The following ABCC6 variants were observed in gnomAD, a reference collection of about 807,000 sequenced individuals.
The protein encoded by ABCC6 is ATP binding cassette subfamily C member 6.
A neutral mutation model predicts 169.5 loss-of-function variants in ABCC6; 126 were observed. The observed-to-expected ratio is 0.74, with a 90% CI of 0.64 to 0.86. ABCC6 has a LOEUF of 0.86. Ranked by LOEUF, ABCC6 falls within the 40% of genes least tolerant of loss-of-function variation. The pLI is 0.00. For missense variants in ABCC6, 1,733 were observed against 1,927.2 expected (o/e 0.90, Z 1.89); for synonymous variants, 752 against 814.7 (o/e 0.92, Z 1.31).
chr16:16,169,244 C>T (rs1178529796), intron 22 of ABCC6, among the ~76,000 whole-genome samples: 1 of 152,164 alleles, frequency 6.6e-6, no homozygotes, highest in Non-Finnish European at 1.5e-5. Context: ...TTTCCTAGAA[C>T]TGCATGTGAA....
chr16:16,192,881 C>T lies in ABCC6; in HGVS notation c.1380G>A (p.Leu460=), dbSNP rs770889156. ...TGAAGAAATTCAGAGGGAGGAGGCT[C>T]AGGAAGACAGCGATGGCAGTGAGGG... ...PSALTAIAVF[L]SLLPLNFFIS... The change falls in exon 11 of 31, where the codon CTG becomes CTA. Residue 460 remains leucine, a synonymous_variant. Coordinates refer to ENST00000205557, the MANE Select transcript of ABCC6 (RefSeq NM_001171.6). The T allele has an allele frequency of 1.2e-6, 2 of 1,614,064 alleles. No homozygotes were observed. The highest frequency in any genetic ancestry group is 1.3e-5 in the African/African-American group (1 of 75,000).
rs1301510137 is a variant in ABCC6, at chr16:16,161,474, A to G, written c.3597T>C (p.Ala1199=). 1.9e-6 allele frequency: 3 copies of G among 1,613,986 alleles called. No individual in the cohort carries two copies. The South Asian group carries it at 3.3e-5, about 18-fold the overall frequency. ...CAGAGACAGAGAAGCCCACGAGGCCAGCACTGAGGTGGGCTTTGCTCAGCA... is the reference window on the plus strand; with the variant it reads ...CAGAGACAGAGAAGCCCACGAGGCCGGCACTGAGGTGGGCTTTGCTCAGCA... ...CAVLSKAHLS[A]GLVGFSVSAA... The change falls in exon 25 of 31, where the codon GCT becomes GCC. Residue 1199 remains alanine, a synonymous_variant. Transcript: ENST00000205557.
intron 26 of ABCC6, among the ~76,000 whole-genome samples, chr16:16,158,930 G>GTT (rs1170503418): frequency 6.6e-6 from 1 of 151,950 alleles, no homozygotes; most frequent in Admixed American, 6.6e-5. Flanking sequence ...CTATGTTGCT[G>GTT]TTTTGTTTCT....
rs767383616 is a variant in ABCC6 at position 16,165,950 on chromosome 16, G to C, written c.2996-17C>G. On this transcript the variant is annotated splice_polypyrimidine_tract_variant and intron_variant, in intron 22 of 30. Coordinates refer to ENST00000205557, the MANE Select transcript of ABCC6 (RefSeq NM_001171.6). ...GCCCAATGGCTGGGGAGGGAGAGGA[G>C]GTAAGAGCATGAGGGCTGGAGACCC... 4 of 1,611,610 alleles carry C rather than the reference G, an allele frequency of 2.5e-6. No homozygotes were observed. The highest frequency in any genetic ancestry group is 2.2e-5 in the East Asian group (1 of 44,832).
At chr16:16,160,628 C>CCAAAA (rs1555508425) in intron 25 of ABCC6, among the ~76,000 whole-genome samples, 1 of 76,382 alleles carries the variant, frequency 1.3e-5, no homozygotes, top group Non-Finnish European at 2.3e-5. Flanking sequence ...CTGTTTCTAC[C>CCAAAA]AAAAAAAAAA....
chr16:16,172,508 A>C (rs111678733), intron 21 of ABCC6, among the ~76,000 whole-genome samples: 1 of 127,610 alleles, frequency 7.8e-6, no homozygotes, highest in Non-Finnish European at 1.6e-5. Context: ...GGTGGGATGG[A>C]TAAATCAGTG....
In ABCC6 at chr16:16,162,975, T is replaced by C. The variant is rs563869835; in HGVS notation, c.3506+18A>G. The C allele has an allele frequency of 6.2e-7, 1 of 1,613,990 alleles. No homozygotes were observed. The highest frequency in any genetic ancestry group is 8.5e-7 in the Non-Finnish European group (1 of 1,179,962). On this transcript the variant is annotated intron_variant, in intron 24 of 30. Coordinates refer to ENST00000205557, the MANE Select transcript of ABCC6 (RefSeq NM_001171.6). ...TATGGATGAATTGCAAGGTCTTCTC[T>C]GCCCTGGCTCTTCCTACCTGTCAGC...
rs576187546 is a variant in ABCC6 at position 16,156,357 on chromosome 16, A to T, written c.3882+1306T>A. Among the ~76,000 whole-genome samples, 42 of 152,332 alleles carry T rather than the reference A, an allele frequency of 2.8e-4. No individual in the cohort carries two copies. The South Asian group carries it at 5.4e-3, about 20-fold the overall frequency. On this transcript the variant is annotated intron_variant, in intron 27 of 30. Transcript: ENST00000205557. Reference sequence around the variant, plus strand: ...GGATACTTGCATGGAAGCTTGAAGGATCAATAGGAGTTCAAGGAAGGGGAA... The same window carrying T: ...GGATACTTGCATGGAAGCTTGAAGGTTCAATAGGAGTTCAAGGAAGGGGAA...
chr16:16,160,180 C>T (rs1184517030), intron 25 of ABCC6, among the ~76,000 whole-genome samples: 2 of 152,176 alleles, frequency 1.3e-5, no homozygotes, highest in South Asian at 2.1e-4. Flanking sequence ...TCCTAAGTCA[C>T]CTCCTCAGAG....
intron 18 of ABCC6, among the ~76,000 whole-genome samples, chr16:16,178,006 AAG>A (rs909161695): frequency 4.1e-5 from 6 of 147,148 alleles, no homozygotes; most frequent in Middle Eastern, 3.7e-3. Context: ...GAAGGAAGGA[AAG>A]AGAGAGAGAG....
At chr16:16,195,240 G>A (rs577947923) in intron 10 of ABCC6, among the ~76,000 whole-genome samples, 2 of 151,346 alleles carry the variant, frequency 1.3e-5, no homozygotes, top group South Asian at 4.2e-4. Context: ...CCAAGAGGCA[G>A]GAAAAGTACA....
rs909059364 is a variant in ABCC6, at chr16:16,155,087, T to C, written c.3883-56A>G. 7.2e-6 allele frequency: 11 copies of C among 1,527,242 alleles called. No homozygotes were observed. The East Asian group carries it at 7.4e-5, about 10-fold the overall frequency. 94.6% of individuals were successfully genotyped at this position (1,527,242 alleles called of 1,614,324 possible). A position where few individuals can be genotyped will look rare whatever the true frequency, so the allele number is the denominator to read the frequency against. On this transcript the variant is annotated intron_variant, in intron 27 of 30. Transcript: ENST00000205557. ...TGACCAGAGGGTTTGTGGGCATTTA[T>C]TGGGGAGATCTTTCTGCTGTACCCG...
Position 16,177,463 on chromosome 16 carries a change from C to CT in ABCC6, c.2578dup (p.Arg860LysfsTer27). ...AGCCCACCTAGTACCTCCTTCTCCT[C>CT]TATCTCCTGGCTGTCTGGCTTGATC... On this transcript the variant is annotated frameshift_variant, in exon 19 of 31. Transcript: ENST00000205557. LOFTEE classifies it high-confidence loss of function. The CT allele has an allele frequency of 6.2e-7, 1 of 1,614,172 alleles. No individual in the cohort carries two copies. The highest frequency in any genetic ancestry group is 8.5e-7 in the Non-Finnish European group (1 of 1,180,046).
intron 7 of ABCC6, among the ~76,000 whole-genome samples, chr16:16,206,837 A>G (rs2048407219): frequency 6.6e-6 from 1 of 152,076 alleles, no homozygotes; most frequent in South Asian, 2.1e-4. Context: ...CCGTAAAATC[A>G]TTCAAAAGTA....
chr16:16,207,354 G>A (rs1456022893), intron 7 of ABCC6, among the ~76,000 whole-genome samples: 3 of 152,226 alleles, frequency 2.0e-5, no homozygotes, highest in Non-Finnish European at 4.4e-5. Flanking sequence ...CTATATGGAC[G>A]TTAGGAGAGA....
chr16:16,150,555 T>A, intron 30 of ABCC6, 23 bp downstream of exon 30: 1 of 1,601,804 alleles, frequency 6.2e-7, no homozygotes, highest in Non-Finnish European at 8.5e-7. Context: ...TGCTGTGAGG[T>A]CAGGCCGGGG....
At chr16:16,171,121 C>T (rs6498610) in intron 21 of ABCC6, among the ~76,000 whole-genome samples, 78,631 of 151,540 alleles carry the variant, frequency 0.52, 20,933 homozygotes, top group East Asian at 0.84. Context: ...CTTTGTATGA[C>T]TGGTTCCTTC....
chr16:16,165,864 T>C lies in ABCC6; in HGVS notation c.3065A>G (p.Gln1022Arg). 6.2e-7 allele frequency: 1 copy of C among 1,613,298 alleles called. No individual in the cohort carries two copies. The highest frequency in any genetic ancestry group is 1.6e-4 in the Middle Eastern group (1 of 6,062). Residue 1022 changes from glutamine to arginine, a missense_variant, in exon 23 of 31, where the codon CAG (glutamine) becomes CGG (arginine). Physicochemically the swap from Gln to Arg is conservative, Grantham distance 43. This residue lies in a region of ABCC6 where 1,601 missense variants were observed against 1,635.5 expected (regional missense o/e 0.98). Coordinates refer to ENST00000205557, the MANE Select transcript of ABCC6 (RefSeq NM_001171.6). ...GGARASRLLFQRLLWDVVRSP... is the reference protein window; with the variant it reads ...GGARASRLLFRRLLWDVVRSP... ...TCGCACCACATCCCACAGGAGCCTC[T>C]GGAAGAGCAACCTGGATGCCCGGGC...
intron 5 of ABCC6, among the ~76,000 whole-genome samples, chr16:16,212,630 G>GA (rs1404661704): frequency 6.6e-6 from 1 of 151,472 alleles, no homozygotes; most frequent in African/African-American, 2.4e-5. Flanking sequence ...ATTTAGTACT[G>GA]AAAGTAAACA....
Sources: gnomAD v4.1 joint callset for allele counts (sites outside exome capture counted in the v4.1 genomes callset) on GRCh38, gnomAD v4.1.1 for gene constraint, gnomAD v4.1.1 regional missense constraint, MANE v1.5 for transcripts, NCBI Gene and HGNC (gene_info 2026-07-23, HGNC 2026-07-21) for gene names.